RSRP1: variants seen among roughly 807,000 people sequenced by gnomAD.
RSRP1 encodes the protein arginine/serine-rich protein 1.
Under a neutral mutation model 33.0 loss-of-function variants are expected in RSRP1, and 37 were observed. That is an observed-to-expected ratio of 1.12 (90% confidence interval 0.86 to 1.48). The LOEUF (loss-of-function observed/expected upper bound fraction) is 1.48. Among genes scored for constraint, RSRP1 ranks in the 40% most tolerant of loss-of-function variants. RSRP1 has a pLI of 0.00. For missense variants in RSRP1, 402 were observed against 385.3 expected (o/e 1.04, Z -0.36); for synonymous variants, 167 against 158.7 (o/e 1.05, Z -0.40).
At chr1:25,303,613 T>G (rs1362881640) in intron 1 of RSRP1, among the ~76,000 whole-genome samples, 1 of 130,844 alleles carries the variant, frequency 7.6e-6, no homozygotes. Context: ...CCATCCTGGC[T>G]CGGTGGCGCA....
chr1:25,312,935 A>AAAAAAAAAAAAAAAAAAAAAC (rs1644233501), intron 1 of RSRP1, among the ~76,000 whole-genome samples: 1 of 103,228 alleles, frequency 9.7e-6, no homozygotes, highest in Non-Finnish European at 2.4e-5. Flanking sequence ...AAAAAAAAAA[A>AAAAAAAAAAAAAAAAAAAAAC]AAAAAAAAAA....
chr1:25,243,608 C>T lies in RSRP1; in HGVS notation c.698G>A (p.Gly233Glu). 1 of 1,613,712 alleles carries T rather than the reference C, an allele frequency of 6.2e-7. No homozygotes were observed. The highest frequency in any genetic ancestry group is 1.1e-5 in the South Asian group (1 of 91,050). Residue 233 changes from glycine (G) to glutamate (E), a missense_variant, in exon 4 of 5, where the codon GGA becomes GAA. Transcript: ENST00000243189. ...AGGTTTTTCATTGGGATTTCGAGTT[C>T]CATCTTCTGTTACCTTTTCCGACAG... ...PELSEKVTEDGTRNPNEKPTQ... is the reference protein window; with the variant it reads ...PELSEKVTEDETRNPNEKPTQ...
upstream of RSRP1, among the ~76,000 whole-genome samples, chr1:25,250,899 C>T (rs575654475): frequency 6.6e-6 from 1 of 152,174 alleles, no homozygotes; most frequent in Admixed American, 6.5e-5. Context: ...ATCCCAGCTA[C>T]TCAGGAGGCT....
In RSRP1 at chr1:25,302,396, G is replaced by C. The variant is rs1557542750; in HGVS notation, c.-67+35582C>G. The stretch of plus-strand genomic sequence containing the variant: ...GTGGGGCTCGGGTGGGAGGCACTGG[G>C]GGGGCTGGAGTGGAAAGAATGTGGC... On this transcript the variant is annotated intron_variant, in intron 1 of 1. Transcript: ENST00000561867. Among the ~76,000 whole-genome samples the C allele has an allele frequency of 1.6e-5, 2 of 128,492 alleles. 1 individual carries two copies. The highest frequency in any genetic ancestry group is 3.7e-5 in the Non-Finnish European group (2 of 54,624). The allele number at this position is 128,492 out of a possible 152,430, so 84.3% of individuals were successfully genotyped here. A position where few individuals can be genotyped will look rare whatever the true frequency, so the allele number is the denominator to read the frequency against.
At chr1:25,250,477 GTTTT>G (rs767218916), upstream of RSRP1, among the ~76,000 whole-genome samples, 60 of 152,156 alleles carry the variant, frequency 3.9e-4, 1 homozygote, top group Non-Finnish European at 8.1e-4. Context: ...ATTTAAGTTG[GTTTT>G]TTGTTTATGT....
At chr1:25,245,480 A>C (rs1176367292) in intron 2 of RSRP1, among the ~76,000 whole-genome samples, 179 bp from the exon 3 acceptor site, 1 of 152,134 alleles carries the variant, frequency 6.6e-6, no homozygotes, top group African/African-American at 2.4e-5. Flanking sequence ...GGTCCACTTT[A>C]TACTTGTTTT....
rs997148144 is a variant in RSRP1 at position 25,289,959 on chromosome 1, T to C, written c.-66-42930A>G. 6.9e-5 allele frequency among the ~76,000 whole-genome samples: 9 copies of C among 130,456 alleles called. 4 individuals carry two copies. The highest frequency in any genetic ancestry group is 7.2e-5 in the Non-Finnish European group (4 of 55,486). 85.6% of individuals were successfully genotyped at this position (130,456 alleles called of 152,430 possible). A position where few individuals can be genotyped will look rare whatever the true frequency, so the allele number is the denominator to read the frequency against. On this transcript the variant is annotated intron_variant, in intron 1 of 1. Transcript: ENST00000561867. ...AGCGTCTTTTCAGAAGTTGGTTCTT[T>C]GTGCCAGTCTTGGTGCTAGACACAC...
At chr1:25,307,780 A>C (rs1179372138) in intron 1 of RSRP1, 4 of 1,301,064 alleles carry the variant, frequency 3.1e-6, no homozygotes, top group Non-Finnish European at 4.2e-6. Context: ...TACAGAGACA[A>C]CCATAGCCCC....
At chr1:25,254,202 G>T (rs1002938018) in intron 1 of RSRP1, among the ~76,000 whole-genome samples, 2 of 152,186 alleles carry the variant, frequency 1.3e-5, no homozygotes, top group Admixed American at 6.5e-5. Flanking sequence ...GAGCCTTGGT[G>T]TAAGTCAGCT....
At chr1:25,305,627 G>A (rs1303591651) in intron 1 of RSRP1, among the ~76,000 whole-genome samples, 1 of 126,692 alleles carries the variant, frequency 7.9e-6, no homozygotes, top group Non-Finnish European at 1.8e-5. Flanking sequence ...TTGAGACGGT[G>A]TCTCGCTCTT....
Position 25,310,718 on chromosome 1 carries a change from T to G in RSRP1, c.-67+27260A>C, listed in dbSNP as rs779490818. Among the ~76,000 whole-genome samples, 8 of 132,696 alleles carry G rather than the reference T, an allele frequency of 6.0e-5. 2 individuals are homozygous for G. The highest frequency in any genetic ancestry group is 2.0e-4 in the African/African-American group (8 of 39,346). 87.1% of individuals were successfully genotyped at this position (132,696 alleles called of 152,430 possible). The stretch of plus-strand genomic sequence containing the variant: ...CAGGCACGGTGTCTCAGGCTTATAA[T>G]CCCAGCACTTTGGGAGGCCAAAGCA... On this transcript the variant is annotated intron_variant, in intron 1 of 1. Coordinates refer to the RSRP1 transcript ENST00000561867.
intron 1 of RSRP1, among the ~76,000 whole-genome samples, chr1:25,257,535 T>C (rs1182019385): frequency 6.6e-6 from 1 of 151,860 alleles, no homozygotes; most frequent in East Asian, 1.9e-4. Flanking sequence ...GAAGAAAAAC[T>C]AGCTTGACTA....
At position 25,273,303 on chromosome 1, in the gene RSRP1, T is replaced by A. The variant is rs1189837130; in HGVS notation, c.-66-26274A>T. Among the ~76,000 whole-genome samples, 2 of 81,790 alleles carry A rather than the reference T, an allele frequency of 2.4e-5. 1 individual carries two copies. Among genetic ancestry groups the A allele is most frequent in the Admixed American group, 2.3e-4 (2 of 8,634 alleles). The allele number at this position is 81,790 out of a possible 152,430, so 53.7% of individuals were successfully genotyped here. ...GGAGGGCACCACCATGCCTGGCTAA[T>A]TTTTTTTTTTTTTTTTTTTGGTAGA... is the stretch of plus-strand genomic sequence containing the variant. On this transcript the variant is annotated intron_variant, in intron 1 of 1. Transcript: ENST00000561867.
chr1:25,309,092 C>G (rs1270154744), intron 1 of RSRP1, among the ~76,000 whole-genome samples: 2 of 131,658 alleles, frequency 1.5e-5, no homozygotes, highest in South Asian at 2.3e-4. Flanking sequence ...GGATTAGCTA[C>G]TTGGTGGCAT....
rs560657952 is a variant in RSRP1 at position 25,286,021 on chromosome 1, A to G, written c.-66-38992T>C. Among the ~76,000 whole-genome samples the G allele has an allele frequency of 9.6e-5, 13 of 135,304 alleles. 1 individual carries two copies. The East Asian group carries it at 1.7e-3, about 18-fold the overall frequency. 88.8% of individuals were successfully genotyped at this position (135,304 alleles called of 152,430 possible). ...CCTGGTATACAGGTAAGGAAGTGGAAGCTCAGAGAGGGCAAGGCACTTGCC... is the reference window on the plus strand; with the variant it reads ...CCTGGTATACAGGTAAGGAAGTGGAGGCTCAGAGAGGGCAAGGCACTTGCC... On this transcript the variant is annotated intron_variant, in intron 1 of 1. Transcript: ENST00000561867.
intron 1 of RSRP1, among the ~76,000 whole-genome samples, chr1:25,305,580 TA>T (rs1429604253): frequency 7.6e-5 from 9 of 117,958 alleles, no homozygotes; most frequent in African/African-American, 2.7e-4. Flanking sequence ...TGTGTGTATG[TA>T]TTTTGTTGTT....
chr1:25,334,480 G>A lies in RSRP1; in HGVS notation c.-67+3498C>T, dbSNP rs1317688380. ...TTCCAGGTACACGGTGCAAGCTGTC[G>A]GTGGATCTACCATTCTGGGGTCTGG... On this transcript the variant is annotated intron_variant, in intron 1 of 1. Coordinates refer to the RSRP1 transcript ENST00000561867. Among the ~76,000 whole-genome samples the A allele has an allele frequency of 4.3e-4, 56 of 131,552 alleles. 17 individuals are homozygous for A. The highest frequency in any genetic ancestry group is 1.0e-3 in the Admixed American group (14 of 13,676). 86.3% of individuals were successfully genotyped at this position (131,552 alleles called of 152,430 possible).
intron 1 of RSRP1, chr1:25,290,896 C>G: frequency 8.5e-7 from 1 of 1,172,116 alleles, no homozygotes; most frequent in African/African-American, 1.5e-5. Flanking sequence ...GTAATCCCAG[C>G]TACTTGGGAG....
Position 25,242,403 on chromosome 1 carries a change from A to G in RSRP1, c.*186T>C, listed in dbSNP as rs183120229. 7 of 473,274 alleles carry G rather than the reference A, an allele frequency of 1.5e-5. No individual in the cohort carries two copies. Among genetic ancestry groups the G allele is most frequent in the Non-Finnish European group, 2.7e-5 (7 of 261,626 alleles). The allele number at this position is 473,274 out of a possible 1,614,324, so 29.3% of individuals were successfully genotyped here. A position where few individuals can be genotyped will look rare whatever the true frequency, so the allele number is the denominator to read the frequency against. ...GCATAACCTTTGGTCCATCTGTGCT[A>G]TCTCTCATATCTGCAAGAGAAACCT... On this transcript the variant is annotated 3_prime_UTR_variant, in exon 5 of 5. Coordinates refer to ENST00000243189, the MANE Select transcript of RSRP1 (RefSeq NM_020317.5).
Sources: allele counts gnomAD v4.1 joint callset (sites outside exome capture counted in the v4.1 genomes callset), GRCh38; gene constraint gnomAD v4.1.1; transcripts MANE v1.5; gene names NCBI Gene and HGNC (gene_info 2026-07-23, HGNC 2026-07-21).